The following FAM228B variants were observed in gnomAD, a reference collection of about 807,000 sequenced individuals.
FAM228B encodes the protein protein FAM228B.
Under a neutral mutation model 42.6 loss-of-function variants are expected in FAM228B, and 38 were observed. The ratio of observed to expected loss-of-function variants is 0.89; its 90% CI spans 0.69 to 1.17. FAM228B has a LOEUF of 1.17. Among genes scored for constraint, FAM228B ranks in the 50% most tolerant of loss-of-function variants. The probability of loss-of-function intolerance (pLI) is 0.00; values close to 1 mark genes in which losing one functional copy is unlikely to be tolerated. For missense variants in FAM228B, 344 were observed against 367.3 expected (o/e 0.94, Z 0.52); for synonymous variants, 109 against 122.3 (o/e 0.89, Z 0.72).
At chr2:24,108,959 C>T (rs1351356663) in intron 3 of FAM228B, among the ~76,000 whole-genome samples, 2 of 151,138 alleles carry the variant, frequency 1.3e-5, no homozygotes, top group African/African-American at 4.9e-5. Context: ...AAAAAGAGCT[C>T]GAATAGCTAA....
chr2:24,106,091 C>T (rs1665692563), intron 3 of FAM228B, among the ~76,000 whole-genome samples: 1 of 152,076 alleles, frequency 6.6e-6, no homozygotes, highest in Non-Finnish European at 1.5e-5. Flanking sequence ...GAGAGGCCAA[C>T]ATTCAAATCC....
At chr2:24,119,157 C>T (rs1265637910), upstream of FAM228B, among the ~76,000 whole-genome samples, 1 of 152,074 alleles carries the variant, frequency 6.6e-6, no homozygotes, top group South Asian at 2.1e-4. Flanking sequence ...ACATCTCTGC[C>T]TTTTTACCCT....
chr2:24,080,701 G>C lies in FAM228B; in HGVS notation c.-289-175G>C. On this transcript the variant is annotated intron_variant, in intron 1 of 10. Transcript: ENST00000613899. This position sits in a 1 kb window ranked among gnomAD's most constrained non-coding sequence, Gnocchi z 4.7. ...ATAGTACTAGAATTTGGCCAGGGCA[G>C]CTGTTGTGCACTTAGCAGAGGTAAG... 1 of 1,233,404 alleles carries C rather than the reference G, an allele frequency of 8.1e-7. No individual in the cohort carries two copies. Among genetic ancestry groups the C allele is most frequent in the Non-Finnish European group, 1.2e-6 (1 of 859,610 alleles). The allele number at this position is 1,233,404 out of a possible 1,614,324, so 76.4% of individuals were successfully genotyped here.
intron 3 of FAM228B, among the ~76,000 whole-genome samples, chr2:24,113,581 A>T (rs1235639852): frequency 6.6e-6 from 1 of 152,066 alleles, no homozygotes; most frequent in East Asian, 1.9e-4. Flanking sequence ...AAACAAAAAT[A>T]AAAACAAAAA....
At chr2:24,121,580 G>A (rs1254550758), upstream of FAM228B, among the ~76,000 whole-genome samples, 1 of 151,986 alleles carries the variant, frequency 6.6e-6, no homozygotes, top group Non-Finnish European at 1.5e-5. Context: ...GAGTTGAGTG[G>A]TTGTGACAGA....
At chr2:24,079,482 T>G in intron 1 of FAM228B, 1 of 1,614,200 alleles carries the variant, frequency 6.2e-7, no homozygotes, top group Non-Finnish European at 8.5e-7. Context: ...GTGATCAGAC[T>G]TCCTCGCTTA....
At chr2:24,163,304 G>T (rs1471152648) in intron 8 of FAM228B, among the ~76,000 whole-genome samples, 5 of 152,212 alleles carry the variant, frequency 3.3e-5, no homozygotes, top group Non-Finnish European at 7.3e-5. Context: ...CCAGCAGAGA[G>T]AACAACTAAT....
intron 7 of FAM228B, among the ~76,000 whole-genome samples, chr2:24,154,118 T>C (rs1250918328): frequency 2.5e-5 from 1 of 40,626 alleles, no homozygotes; most frequent in African/African-American, 4.1e-5. Flanking sequence ...CTGTCCCTCC[T>C]GCTCTCCTCA....
In FAM228B at chr2:24,137,881, A is replaced by G. The variant is rs1212532543; in HGVS notation, c.169-28A>G. On this transcript the variant is annotated intron_variant, in intron 3 of 10. Coordinates refer to ENST00000615575, the MANE Select transcript of FAM228B (RefSeq NM_001145710.2). The stretch of plus-strand genomic sequence containing the variant: ...GAACAAGAAAGCTTTAGGATAATAT[A>G]TTTGTCTTTTCTACCACTGTTTACT... The G allele has an allele frequency of 2.1e-6, 3 of 1,458,420 alleles. No homozygotes were observed. In the African/African-American group the frequency reaches 4.3e-5, roughly 21 times the overall value. The allele number at this position is 1,458,420 out of a possible 1,614,324, so 90.3% of individuals were successfully genotyped here.
At chr2:24,078,880 CTT>C (rs35298792) in intron 1 of FAM228B, 5 of 149,770 alleles carry the variant, frequency 3.3e-5, no homozygotes, top group South Asian at 2.1e-4. Flanking sequence ...AGCATATAAT[CTT>C]TTTTTTTTTG....
In FAM228B at chr2:24,161,496, C is replaced by G; in HGVS notation, c.687-10C>G. 1 of 1,430,516 alleles carries G rather than the reference C, an allele frequency of 7.0e-7. No individual in the cohort carries two copies. Among genetic ancestry groups the G allele is most frequent in the Non-Finnish European group, 9.6e-7 (1 of 1,044,712 alleles). The allele number at this position is 1,430,516 out of a possible 1,614,324, so 88.6% of individuals were successfully genotyped here. A position where few individuals can be genotyped will look rare whatever the true frequency, so the allele number is the denominator to read the frequency against. The stretch of plus-strand genomic sequence containing the variant: ...AAAAAAACCTTCTCACACTTGTTAT[C>G]TTGTTAAAGGTTAAAGGTGAAAGTG... On this transcript the variant is annotated splice_polypyrimidine_tract_variant and intron_variant, in intron 7 of 10. Transcript: ENST00000615575.
intron 7 of FAM228B, among the ~76,000 whole-genome samples, chr2:24,161,004 AT>A (rs1250726437): frequency 2.6e-5 from 4 of 152,356 alleles, no homozygotes; most frequent in African/African-American, 9.6e-5. Flanking sequence ...CAGTAAATCA[AT>A]CTCCATCATG....
At position 24,084,811 on chromosome 2, in the gene FAM228B, C is replaced by A. The variant is rs1048025; in HGVS notation, c.-210+3856C>A. On this transcript the variant is annotated intron_variant, in intron 2 of 10. Coordinates refer to the FAM228B transcript ENST00000613899. This position sits in a 1 kb window ranked among gnomAD's most constrained non-coding sequence, Gnocchi z 8.4. Reference sequence around the variant, plus strand: ...GCGGGTCCCGGTGACAAAGCCCGAGCCCCAGAGCCCCAGGACTGCCTCTGC... The same window carrying A: ...GCGGGTCCCGGTGACAAAGCCCGAGACCCAGAGCCCCAGGACTGCCTCTGC... 3,126 of 153,548 alleles carry A rather than the reference C, an allele frequency of 0.02. 35 individuals carry two copies. Among genetic ancestry groups the A allele is most frequent in the South Asian group, 0.045 (222 of 4,918 alleles). 9.5% of individuals were successfully genotyped at this position (153,548 alleles called of 1,614,324 possible).
At chr2:24,110,239 G>A (rs971233323) in intron 3 of FAM228B, among the ~76,000 whole-genome samples, 1 of 152,130 alleles carries the variant, frequency 6.6e-6, no homozygotes, top group African/African-American at 2.4e-5. Flanking sequence ...AGGAGAACAC[G>A]TGGATACTAG....
At chr2:24,129,880 G>T (rs1270682096) in intron 2 of FAM228B, among the ~76,000 whole-genome samples, 1 of 151,978 alleles carries the variant, frequency 6.6e-6, no homozygotes, top group Non-Finnish European at 1.5e-5. Context: ...GTATATATAT[G>T]CCATGGTGGT....
Position 24,164,187 on chromosome 2 carries a change from C to A in FAM228B, c.795-11C>A. ...TAAGAGAATCCCTTCCTTTCTGGTT[C>A]CTTCCTGCAGAAACAAAGGGTCATC... On this transcript the variant is annotated splice_polypyrimidine_tract_variant and intron_variant, in intron 8 of 10. Transcript: ENST00000615575. 1 of 1,542,096 alleles carries A rather than the reference C, an allele frequency of 6.5e-7. No individual in the cohort carries two copies. The highest frequency in any genetic ancestry group is 1.2e-5 in the South Asian group (1 of 82,402).
At chr2:24,154,971 C>T (rs910813295) in intron 7 of FAM228B, among the ~76,000 whole-genome samples, 2 of 152,154 alleles carry the variant, frequency 1.3e-5, no homozygotes, top group Non-Finnish European at 2.9e-5. Context: ...AACCTTAAAA[C>T]AGAATTTCGA....
At chr2:24,105,596 G>A (rs1665685087) in intron 3 of FAM228B, among the ~76,000 whole-genome samples, 1 of 152,158 alleles carries the variant, frequency 6.6e-6, no homozygotes, top group African/African-American at 2.4e-5. Context: ...TCCCCAGCAA[G>A]GGTTCTTAAC....
intron 8 of FAM228B, 92 bp downstream of exon 8, chr2:24,161,705 G>A (rs372505258): frequency 1.3e-6 from 1 of 793,070 alleles, no homozygotes; most frequent in East Asian, 2.7e-5. Flanking sequence ...TGCTGAGACG[G>A]TGCTGAGGCA....
Sources: allele counts gnomAD v4.1 joint callset (sites outside exome capture counted in the v4.1 genomes callset), GRCh38; gene constraint gnomAD v4.1.1; non-coding constraint Gnocchi (gnomAD v3.1); transcripts MANE v1.5; gene names NCBI Gene and HGNC (gene_info 2026-07-23, HGNC 2026-07-21).